CYP4F22: variants seen among roughly 807,000 people sequenced by gnomAD.
The protein encoded by CYP4F22 is cytochrome P450 family 4 subfamily F member 22.
CYP4F22 carries 37 observed loss-of-function variants against 60.4 expected under a neutral mutation model. That is an observed-to-expected ratio of 0.61 (90% CI 0.47 to 0.81). The LOEUF is 0.81. Ranked by LOEUF, CYP4F22 falls within the 30% of genes least tolerant of loss-of-function variation. The pLI is 0.00. For missense variants in CYP4F22, 655 were observed against 715.0 expected (o/e 0.92, Z 0.96); for synonymous variants, 258 against 280.5 (o/e 0.92, Z 0.80).
At chr19:15,510,656 C>T (rs1210600702) in intron 1 of CYP4F22, among the ~76,000 whole-genome samples, 4 of 152,128 alleles carry the variant, frequency 2.6e-5, no homozygotes, top group Non-Finnish European at 5.9e-5. Flanking sequence ...CCAGGATCCC[C>T]TTTGGGCCAA....
At chr19:15,550,370 A>G (rs551046885) in intron 12 of CYP4F22, among the ~76,000 whole-genome samples, 2 of 152,342 alleles carry the variant, frequency 1.3e-5, no homozygotes, top group South Asian at 2.1e-4. Context: ...TCGAGTGGTT[A>G]TGAAAGGCCT....
At chr19:15,520,202 T>C (rs954910604) in intron 1 of CYP4F22, among the ~76,000 whole-genome samples, 1 of 151,544 alleles carries the variant, frequency 6.6e-6, no homozygotes, top group African/African-American at 2.4e-5. Flanking sequence ...AAAAATTAGC[T>C]GGGCGTGGTG....
intron 1 of CYP4F22, among the ~76,000 whole-genome samples, chr19:15,520,756 ATTTTGTTTTGTTT>A (rs1480078776): frequency 1.4e-5 from 2 of 142,346 alleles, no homozygotes; most frequent in Non-Finnish European, 3.0e-5. Flanking sequence ...CCCTGCTAAT[ATTTTGTTTTGTTT>A]TTTTGTTTTT....
intron 8 of CYP4F22, 100 bp downstream of exon 8, chr19:15,540,817 G>A: frequency 6.8e-7 from 1 of 1,464,172 alleles, no homozygotes; most frequent in Non-Finnish European, 9.4e-7. Flanking sequence ...AGGCGTGGTG[G>A]CTCACACGTG....
At chr19:15,511,431 C>G (rs1971091346) in intron 1 of CYP4F22, among the ~76,000 whole-genome samples, 1 of 152,006 alleles carries the variant, frequency 6.6e-6, no homozygotes, top group Admixed American at 6.6e-5. Flanking sequence ...TGCACTCCAG[C>G]CTGAAGGACA....
rs747690640 is a variant in CYP4F22 at position 15,537,996 on chromosome 19, G to A, written c.671+3G>A. 1.5e-5 allele frequency: 25 copies of A among 1,614,010 alleles called. No homozygotes were observed. Among genetic ancestry groups the A allele is most frequent in the Non-Finnish European group, 2.0e-5 (24 of 1,180,040 alleles). On this transcript the variant is annotated splice_donor_region_variant and intron_variant, in intron 7 of 13. Transcript: ENST00000269703. ...AGCTACAACAGCAACTGCCAAGAGT[G>A]AGTGTGACCCTTCTTGGGAAGATGG...
intron 1 of CYP4F22, among the ~76,000 whole-genome samples, chr19:15,513,501 A>G (rs1485293801): frequency 6.6e-6 from 1 of 151,500 alleles, no homozygotes; most frequent in Non-Finnish European, 1.5e-5. Flanking sequence ...AGTAGCTGGG[A>G]CTACAGGCGC....
chr19:15,544,112 C>T, intron 9 of CYP4F22, 38 bp from the exon 10 acceptor site: 19 of 1,614,182 alleles, frequency 1.2e-5, no homozygotes, highest in Non-Finnish European at 1.6e-5. Context: ...CTGCTTTCTT[C>T]AGGCAGCCTC....
chr19:15,531,056 A>G (rs971937587), intron 4 of CYP4F22, among the ~76,000 whole-genome samples: 2 of 152,134 alleles, frequency 1.3e-5, no homozygotes, highest in Admixed American at 6.6e-5. Flanking sequence ...AGCCTGGGCA[A>G]CACAGCAAGA....
intron 1 of CYP4F22, among the ~76,000 whole-genome samples, chr19:15,520,147 A>T (rs1286726931): frequency 6.6e-6 from 1 of 152,082 alleles, no homozygotes. Flanking sequence ...GATCGAGACC[A>T]TCCTGGTTAA....
At chr19:15,516,680 G>C in intron 1 of CYP4F22, 1 of 491,306 alleles carries the variant, frequency 2.0e-6, no homozygotes, top group Non-Finnish European at 3.8e-6. Flanking sequence ...AGGCGGCTGA[G>C]AGGAGCAATG....
intron 4 of CYP4F22, among the ~76,000 whole-genome samples, chr19:15,532,365 A>G (rs1301802122): frequency 1.7e-5 from 2 of 118,888 alleles, no homozygotes; most frequent in Non-Finnish European, 3.5e-5. Flanking sequence ...CTCCTCCTCC[A>G]CCTTCTTCTT....
intron 3 of CYP4F22, among the ~76,000 whole-genome samples, chr19:15,527,486 C>G (rs1019975922): frequency 6.6e-6 from 1 of 152,244 alleles, no homozygotes; most frequent in Non-Finnish European, 1.5e-5. Context: ...TGCCCCATCT[C>G]CAGTGCCCTT....
rs1287040591 is a variant in CYP4F22 at position 15,535,919 on chromosome 19, CA to C, written c.368-1441del. On this transcript the variant is annotated intron_variant, in intron 4 of 13. Transcript: ENST00000269703. ...ATACAATCCAGAGTGACTGCTGGGTCAGGGGTGGGGAGAAGCATTCAAGTTC... is the reference window on the plus strand; with the variant it reads ...ATACAATCCAGAGTGACTGCTGGGTCGGGGTGGGGAGAAGCATTCAAGTTC... 1.4e-4 allele frequency among the ~76,000 whole-genome samples: 21 copies of C among 152,248 alleles called. No homozygotes were observed. The East Asian group carries it at 4.0e-3, about 29-fold the overall frequency.
At chr19:15,534,106 T>C (rs1225317628) in intron 4 of CYP4F22, among the ~76,000 whole-genome samples, 2 of 152,220 alleles carry the variant, frequency 1.3e-5, no homozygotes, top group Non-Finnish European at 2.9e-5. Context: ...TTGATGCCAA[T>C]AAATAATCAT....
At chr19:15,537,761 C>T (rs946071699) in intron 6 of CYP4F22, 99 bp downstream of exon 6, 8 of 1,607,012 alleles carry the variant, frequency 5.0e-6, no homozygotes, top group Non-Finnish European at 6.8e-6. Context: ...CAGGAGCCCT[C>T]ACTGACTTTA....
intron 1 of CYP4F22, among the ~76,000 whole-genome samples, chr19:15,521,447 G>C (rs1208905978): frequency 5.9e-5 from 9 of 151,814 alleles, no homozygotes; most frequent in African/African-American, 1.7e-4. Context: ...TGGCCAGGCT[G>C]GCCTCGAACT....
At chr19:15,548,058 A>C in intron 10 of CYP4F22, 50 bp from the exon 11 acceptor site, 1 of 1,436,858 alleles carries the variant, frequency 7.0e-7, no homozygotes, top group Non-Finnish European at 9.3e-7. Flanking sequence ...TGTTTTGGGG[A>C]GGTGGTGCCA....
intron 3 of CYP4F22, among the ~76,000 whole-genome samples, chr19:15,529,273 C>T (rs1203165328): frequency 4.6e-5 from 7 of 151,872 alleles, no homozygotes; most frequent in Non-Finnish European, 8.8e-5. Context: ...GGATTACAGG[C>T]GCCCACCACC....
Sources: gnomAD v4.1 joint callset for allele counts (sites outside exome capture counted in the v4.1 genomes callset) on GRCh38, gnomAD v4.1.1 for gene constraint, MANE v1.5 for transcripts, NCBI Gene and HGNC (gene_info 2026-07-23, HGNC 2026-07-21) for gene names.